DDX24: variants seen among roughly 807,000 people sequenced by gnomAD.
The protein encoded by DDX24 is ATP-dependent RNA helicase DDX24.
DDX24 carries 24 observed loss-of-function variants against 68.9 expected under a neutral mutation model. That is an observed-to-expected ratio of 0.35 (90% CI 0.25 to 0.49). The LOEUF is 0.49. DDX24 is among the 20% of genes least tolerant of loss of function. The pLI is 0.99. For missense variants in DDX24, 989 were observed against 1,039.0 expected, an observed-to-expected ratio of 0.95 and a Z score of 0.66; for synonymous variants, 395 against 385.2, an observed-to-expected ratio of 1.03 and a Z score of -0.30.
At chr14:94,075,070 C>T (rs957121410) in intron 2 of DDX24, among the ~76,000 whole-genome samples, 8 of 152,230 alleles carry the variant, frequency 5.3e-5, no homozygotes, top group East Asian at 1.9e-4. Context: ...ATTGTTAAGA[C>T]GTCATCTATC....
chr14:94,080,331 TCTTC>T (rs1886045037), intron 1 of DDX24, among the ~76,000 whole-genome samples: 1 of 152,170 alleles, frequency 6.6e-6, no homozygotes, highest in Non-Finnish European at 1.5e-5. Flanking sequence ...CCATCCAGTT[TCTTC>T]ATCATATTTT....
rs750704452 is a variant in DDX24 at position 94,062,305 on chromosome 14, G to A, written c.1035C>T (p.Ile345=). The A allele has an allele frequency of 6.2e-7, 1 of 1,614,210 alleles. No individual in the cohort carries two copies. Among genetic ancestry groups the A allele is most frequent in the South Asian group, 1.1e-5 (1 of 91,078 alleles). ...DDAGEGPSSL[I]REKPVPKQNE... is the part of the protein sequence containing the mutation. The stretch of plus-strand genomic sequence containing the variant: ...TCTGTTTGGGAACAGGTTTCTCCCT[G>A]ATCAGGGAAGAAGGCCCTTCACCAG... Residue 345 remains isoleucine, a synonymous_variant, in exon 3 of 9, where the codon ATC becomes ATT. Transcript: ENST00000621632.
At chr14:94,052,068 G>C (rs1885398189) in intron 8 of DDX24, among the ~76,000 whole-genome samples, 1 of 152,244 alleles carries the variant, frequency 6.6e-6, no homozygotes, top group South Asian at 2.1e-4. Context: ...TGAGCCACCA[G>C]AAATAGCTCA....
At position 94,049,333 on chromosome 14, in the gene DDX24, T is replaced by TG. The variant is rs1262005312; in HGVS notation, c.*1857dup. 1.3e-5 allele frequency: 2 copies of TG among 152,144 alleles called. No individual in the cohort carries two copies. Among genetic ancestry groups the TG allele is most frequent in the Non-Finnish European group, 2.9e-5 (2 of 68,014 alleles). The allele number at this position is 152,144 out of a possible 1,614,324, so 9.4% of individuals were successfully genotyped here. On this transcript the variant is annotated 3_prime_UTR_variant, in exon 9 of 9. Coordinates refer to ENST00000621632, the MANE Select transcript of DDX24 (RefSeq NM_020414.4). ...GACCACCACTGCATCATTTGGAAAATGGAGAGTCTCCCTGCCATTCTCTGA... is the reference window on the plus strand; with the variant it reads ...GACCACCACTGCATCATTTGGAAAATGGGAGAGTCTCCCTGCCATTCTCTGA...
chr14:94,058,023 C>T, intron 5 of DDX24, 126 bp from the exon 6 acceptor site: 3 of 837,688 alleles, frequency 3.6e-6, no homozygotes, highest in East Asian at 5.7e-5. Context: ...CACTTGTATA[C>T]CCTTTTACAG....
At position 94,051,457 on chromosome 14, in the gene DDX24, T is replaced by C; in HGVS notation, c.2314A>G (p.Lys772Glu). 5 of 1,548,352 alleles carry C rather than the reference T, an allele frequency of 3.2e-6. No homozygotes were observed. The highest frequency in any genetic ancestry group is 2.6e-6 in the Non-Finnish European group (3 of 1,150,600). Residue 772 changes from lysine to glutamate, a missense_variant, in exon 9 of 9, where the codon AAA becomes GAA. Physicochemically the swap from Lys to Glu is moderately conservative, Grantham distance 56. Transcript: ENST00000621632. ...ELEEDMYKGGKADQQEERRRQ... is the reference protein window; with the variant it reads ...ELEEDMYKGGEADQQEERRRQ... ...CGACGTTCTTCTTGCTGGTCAGCTTTTCCTCCTTGAAACACAATACAAAAA... is the reference window on the plus strand; with the variant it reads ...CGACGTTCTTCTTGCTGGTCAGCTTCTCCTCCTTGAAACACAATACAAAAA...
At position 94,060,144 on chromosome 14, in the gene DDX24, G is replaced by C; in HGVS notation, c.1867C>G (p.Gln623Glu). 6.2e-7 allele frequency: 1 copy of C among 1,613,986 alleles called. No homozygotes were observed. Residue 623 changes from glutamine (Q) to glutamate (E), a missense_variant, in exon 5 of 9, where the codon CAG becomes GAG. This residue lies in a region of DDX24 where 691 missense variants were observed against 760.0 expected (regional missense o/e 0.91). Transcript: ENST00000621632. ...TCCAGGTTTCTGAGCCTCTGCTTCT[G>C]GTGCATACAGGCATGCAGGGTCAAG... ...MPLTLHACMH[Q>E]KQRLRNLEQF...
In DDX24 at chr14:94,073,956, T is replaced by C. The variant is rs148435797; in HGVS notation, c.718+5069A>G. On this transcript the variant is annotated intron_variant, in intron 2 of 8. Transcript: ENST00000621632. ...TACCTGGGACGCTGGGGCAGGAGAA[T>C]GGTGTGAACCCAGGAGGCAGAGCTT... Among the ~76,000 whole-genome samples the C allele has an allele frequency of 4.6e-3, 695 of 150,028 alleles. 7 individuals are homozygous for C. The highest frequency in any genetic ancestry group is 0.016 in the African/African-American group (660 of 40,670).
Position 94,057,885 on chromosome 14 carries a change from C to T in DDX24, c.1926G>A (p.Leu642=), listed in dbSNP as rs1040314076. The part of the protein sequence containing the change: ...QFARLEDCVL[L]ATDVAARGLD... ...GACCCCGAGCTGCCACATCTGTTGC[C>T]AAGAGAACACAGCTGGGGTAGAGAG... is the stretch of plus-strand genomic sequence containing the variant. Residue 642 remains leucine, a synonymous_variant, in exon 6 of 9, where the codon TTG becomes TTA. Coordinates refer to ENST00000621632, the MANE Select transcript of DDX24 (RefSeq NM_020414.4). The T allele has an allele frequency of 1.2e-6, 2 of 1,613,810 alleles. No homozygotes were observed. The highest frequency in any genetic ancestry group is 1.7e-6 in the Non-Finnish European group (2 of 1,179,942).
chr14:94,071,845 T>TG (rs1166160032), intron 2 of DDX24, among the ~76,000 whole-genome samples: 8 of 152,036 alleles, frequency 5.3e-5, no homozygotes, highest in African/African-American at 1.9e-4. Flanking sequence ...CTCGGGAGGC[T>TG]GAGGCAGGAG....
chr14:94,062,759 C>T (rs972325773), intron 2 of DDX24, 138 bp from the exon 3 acceptor site: 1 of 1,051,516 alleles, frequency 9.5e-7, no homozygotes, highest in African/African-American at 1.6e-5. Flanking sequence ...CTCCACTCTA[C>T]ACAGATTTCC....
chr14:94,055,237 C>A, intron 6 of DDX24, 53 bp from the exon 7 acceptor site: 1 of 1,573,552 alleles, frequency 6.4e-7, no homozygotes, highest in South Asian at 1.2e-5. Flanking sequence ...AAACACTGGT[C>A]CTCTCCTCAG....
At chr14:94,080,119 A>G (rs3790043) in intron 1 of DDX24, among the ~76,000 whole-genome samples, 74,974 of 152,112 alleles carry the variant, frequency 0.49, 19,366 homozygotes, top group African/African-American at 0.65. Flanking sequence ...GTAAATAAAG[A>G]AAATTATGTA....
rs1567056420 is a variant in DDX24 at position 94,051,187 on chromosome 14, C to CCAGTG, written c.*3_*4insCACTG. ...AATGTGCAGTCACTGACACACTTGA[C>CCAGTG]CAGTTAATTTGCACTTGTACTTGGC... On this transcript the variant is annotated 3_prime_UTR_variant, in exon 9 of 9. Transcript: ENST00000621632. 6.5e-7 allele frequency: 1 copy of CCAGTG among 1,527,026 alleles called. No homozygotes were observed. Among genetic ancestry groups the CCAGTG allele is most frequent in the East Asian group, 2.3e-5 (1 of 43,258 alleles). 94.6% of individuals were successfully genotyped at this position (1,527,026 alleles called of 1,614,324 possible).
chr14:94,071,451 C>T (rs570628963), intron 2 of DDX24, among the ~76,000 whole-genome samples: 106 of 152,226 alleles, frequency 7.0e-4, no homozygotes, highest in African/African-American at 2.5e-3. Flanking sequence ...GAGTTCAAGA[C>T]CAGCCTGGCC....
chr14:94,071,101 C>A (rs1484436628), intron 2 of DDX24, among the ~76,000 whole-genome samples: 4 of 152,160 alleles, frequency 2.6e-5, no homozygotes, highest in Non-Finnish European at 5.9e-5. Flanking sequence ...AAAATCTTCA[C>A]AATCTATACA....
At chr14:94,070,250 A>G (rs1414517984) in intron 2 of DDX24, among the ~76,000 whole-genome samples, 1 of 152,082 alleles carries the variant, frequency 6.6e-6, no homozygotes, top group Non-Finnish European at 1.5e-5. Context: ...TCAAGAACTC[A>G]ATCCCTTTTA....
At chr14:94,054,071 T>C (rs1309579056) in intron 7 of DDX24, among the ~76,000 whole-genome samples, 1 of 152,188 alleles carries the variant, frequency 6.6e-6, no homozygotes, top group African/African-American at 2.4e-5. Flanking sequence ...GTGAAGTCTT[T>C]ACGCAGATGC....
At position 94,051,098 on chromosome 14, in the gene DDX24, G is replaced by A. The variant is rs1382647276; in HGVS notation, c.*93C>T. The A allele has an allele frequency of 7.0e-7, 1 of 1,428,540 alleles. No individual in the cohort carries two copies. The highest frequency in any genetic ancestry group is 2.4e-5 in the East Asian group (1 of 40,938). 88.5% of individuals were successfully genotyped at this position (1,428,540 alleles called of 1,614,324 possible). A position where few individuals can be genotyped will look rare whatever the true frequency, so the allele number is the denominator to read the frequency against. ...AAGAGAGGGAGACTTTTTTACCTGG[G>A]GTTGGTGGTGGAGTGAAACACAAGG... On this transcript the variant is annotated 3_prime_UTR_variant, in exon 9 of 9. Coordinates refer to ENST00000621632, the MANE Select transcript of DDX24 (RefSeq NM_020414.4).
Sources: gnomAD v4.1 joint callset for allele counts (sites outside exome capture counted in the v4.1 genomes callset) on GRCh38, gnomAD v4.1.1 for gene constraint, gnomAD v4.1.1 regional missense constraint, MANE v1.5 for transcripts, NCBI Gene and HGNC (gene_info 2026-07-23, HGNC 2026-07-21) for gene names.